DAGLB: variants seen among roughly 807,000 people sequenced by gnomAD.
The protein encoded by DAGLB is diacylglycerol lipase beta, also known as diacylglycerol lipase-beta.
DAGLB carries 66 observed loss-of-function variants against 72.1 expected under a neutral mutation model. That is an observed-to-expected ratio of 0.92 (90% confidence interval 0.75 to 1.12). The LOEUF (loss-of-function observed/expected upper bound fraction) is 1.12. DAGLB is among the 50% of genes most tolerant of loss of function. The pLI is 0.00. For missense variants in DAGLB, 1,065 were observed against 884.9 expected (o/e 1.20, Z -2.58); for synonymous variants, 414 against 359.5 (o/e 1.15, Z -1.71).
At chr7:6,438,786 T>C (rs1299848493) in intron 2 of DAGLB, among the ~76,000 whole-genome samples, 3 of 152,072 alleles carry the variant, frequency 2.0e-5, no homozygotes, top group East Asian at 1.9e-4. Flanking sequence ...GGCAGGAGGA[T>C]TGCTTGAGCC....
At chr7:6,413,979 A>G (rs778376568) in intron 11 of DAGLB, among the ~76,000 whole-genome samples, 1 of 152,222 alleles carries the variant, frequency 6.6e-6, no homozygotes, top group Non-Finnish European at 1.5e-5. Flanking sequence ...ACACCAGTCA[A>G]AACCACCACA....
At chr7:6,442,987 C>G (rs1413612664) in intron 2 of DAGLB, among the ~76,000 whole-genome samples, 1 of 144,476 alleles carries the variant, frequency 6.9e-6, no homozygotes, top group Non-Finnish European at 1.5e-5. Context: ...TCCTGGCTAA[C>G]ACAGTGAAAC....
At chr7:6,447,216 T>C (rs1785035488) in intron 1 of DAGLB, among the ~76,000 whole-genome samples, 1 of 152,228 alleles carries the variant, frequency 6.6e-6, no homozygotes, top group Non-Finnish European at 1.5e-5. Flanking sequence ...CCAATGCCAC[T>C]TCCCACTGAT....
chr7:6,421,034 G>C (rs1306951157), intron 9 of DAGLB, among the ~76,000 whole-genome samples: 4 of 152,206 alleles, frequency 2.6e-5, no homozygotes, highest in African/African-American at 7.2e-5. Context: ...TGGGTGTGGT[G>C]GCTCACGCCC....
At chr7:6,411,345 A>G (rs1173953263) in intron 13 of DAGLB, among the ~76,000 whole-genome samples, 1 of 151,376 alleles carries the variant, frequency 6.6e-6, no homozygotes, top group African/African-American at 2.4e-5. Context: ...TAGGCTGGGC[A>G]CAGCAGTGGC....
At chr7:6,418,413 A>G in intron 9 of DAGLB, among the ~76,000 whole-genome samples, 1 of 152,218 alleles carries the variant, frequency 6.6e-6, no homozygotes, top group South Asian at 2.1e-4. Flanking sequence ...AAAAAAATAA[A>G]GCCATTCCCT....
intron 13 of DAGLB, among the ~76,000 whole-genome samples, chr7:6,410,907 C>T (rs1304600483): frequency 3.5e-5 from 4 of 112,690 alleles, no homozygotes; most frequent in Admixed American, 2.3e-4. Flanking sequence ...TTTTTTGAGA[C>T]GGAGTCTCAC....
At chr7:6,414,662 C>T (rs1783844274) in intron 11 of DAGLB, among the ~76,000 whole-genome samples, 1 of 152,092 alleles carries the variant, frequency 6.6e-6, no homozygotes, top group African/African-American at 2.4e-5. Flanking sequence ...TAACAAAAGC[C>T]TTTCCTACCT....
intron 4 of DAGLB, among the ~76,000 whole-genome samples, chr7:6,433,803 G>A (rs1784566396): frequency 6.7e-6 from 1 of 149,504 alleles, no homozygotes; most frequent in Admixed American, 6.7e-5. Flanking sequence ...GTTGTGCCAA[G>A]ATGGCGCCAC....
intron 5 of DAGLB, among the ~76,000 whole-genome samples, chr7:6,432,133 C>T (rs1218937824): frequency 6.6e-6 from 1 of 151,546 alleles, no homozygotes; most frequent in Non-Finnish European, 1.5e-5. Context: ...GGCAGATTAC[C>T]TGAGGTCATG....
Position 6,426,111 on chromosome 7 carries a change from G to A in DAGLB, c.933C>T (p.Cys311=). The A allele has an allele frequency of 6.2e-7, 1 of 1,613,630 alleles. No homozygotes were observed. Among genetic ancestry groups the A allele is most frequent in the Non-Finnish European group, 8.5e-7 (1 of 1,179,884 alleles). ...TGLCRIGGDC[C]RSRTTDYDLV... is the part of the protein sequence containing the mutation. ...AGTCATAGTCTGTGGTTCTGCTTCT[G>A]CAGCTAAAAAGAGGACAAAGACGTT... Residue 311 remains cysteine, a synonymous_variant, in exon 7 of 15, where the codon TGC becomes TGT. Coordinates refer to ENST00000297056, the MANE Select transcript of DAGLB (RefSeq NM_139179.4).
intron 14 of DAGLB, 22 bp from the exon 15 acceptor site, chr7:6,410,057 A>G (rs764046268): frequency 2.5e-6 from 4 of 1,605,814 alleles, no homozygotes; most frequent in South Asian, 1.1e-5. Flanking sequence ...AAGGAGAGAC[A>G]GCTCCCACGC....
intron 2 of DAGLB, 111 bp from the exon 3 acceptor site, chr7:6,436,644 GCCT>G (rs1238486011): frequency 7.5e-7 from 1 of 1,330,842 alleles, no homozygotes; most frequent in Admixed American, 2.6e-5. Context: ...GTGCACACCC[GCCT>G]CCTGACTTTT....
Position 6,446,016 on chromosome 7 carries a change from G to T in DAGLB, c.184C>A (p.Leu62Ile), listed in dbSNP as rs2115303220. 6.2e-7 allele frequency: 1 copy of T among 1,613,812 alleles called. No individual in the cohort carries two copies. Among genetic ancestry groups the T allele is most frequent in the Middle Eastern group, 1.7e-4 (1 of 6,060 alleles). Residue 62 changes from leucine to isoleucine, a missense_variant, in exon 2 of 15, where the codon CTC (leucine) becomes ATC (isoleucine). Coordinates refer to ENST00000297056, the MANE Select transcript of DAGLB (RefSeq NM_139179.4). The stretch of plus-strand genomic sequence containing the variant: ...ATGACAACTGCCAGGAGAATCATGA[G>T]GACGATCAAGTAACTGCTGAGCAAG... ...GALLSSYLIV[L>I]MILLAVVICT...
rs771350846 is a variant in DAGLB, at chr7:6,425,966, C to T, written c.1056+22G>A. ...TCCAGGACCCAAAAGAAGTGAAGAG[C>T]CGCTGTCTGCAGCGTCCACACCTTG... is the stretch of plus-strand genomic sequence containing the variant. On this transcript the variant is annotated intron_variant, in intron 7 of 14. Transcript: ENST00000297056. The T allele has an allele frequency of 1.8e-5, 29 of 1,612,404 alleles. No homozygotes were observed. In the Admixed American group the frequency reaches 2.2e-4, roughly 12 times the overall value.
At chr7:6,442,851 G>A (rs189869591) in intron 2 of DAGLB, among the ~76,000 whole-genome samples, 205 of 152,114 alleles carry the variant, frequency 1.3e-3, no homozygotes, top group Middle Eastern at 3.4e-3. Context: ...TCAGGAGTTC[G>A]AGACCAGCCT....
intron 3 of DAGLB, chr7:6,435,315 G>C: frequency 6.3e-6 from 2 of 315,774 alleles, no homozygotes; most frequent in Non-Finnish European, 1.2e-5. Flanking sequence ...GTGAAACCCC[G>C]TCTCTACTAA....
At chr7:6,410,410 T>C (rs1287765551) in intron 13 of DAGLB, 30 bp from the exon 14 acceptor site, 1 of 1,573,084 alleles carries the variant, frequency 6.4e-7, no homozygotes, top group East Asian at 2.3e-5. Flanking sequence ...AGTAGAATGC[T>C]GTCACTCACC....
chr7:6,425,801 G>C (rs1379052292), intron 7 of DAGLB, among the ~76,000 whole-genome samples, 187 bp downstream of exon 7: 1 of 152,250 alleles, frequency 6.6e-6, no homozygotes, highest in South Asian at 2.1e-4. Flanking sequence ...CCTGGGTTCT[G>C]AACCTGCACC....
Sources: allele counts gnomAD v4.1 joint callset (sites outside exome capture counted in the v4.1 genomes callset), GRCh38; gene constraint gnomAD v4.1.1; transcripts MANE v1.5; gene names NCBI Gene and HGNC (gene_info 2026-07-23, HGNC 2026-07-21).